Variants in PTPRG observed in about 807,000 individuals in gnomAD.
PTPRG encodes receptor-type tyrosine-protein phosphatase gamma.
Under a neutral mutation model 165.3 loss-of-function variants are expected in PTPRG, and 102 were observed. The observed-to-expected ratio is 0.62, with a 90% CI of 0.53 to 0.73. The LOEUF is 0.73. Among genes scored for constraint, PTPRG ranks in the 30% least tolerant of loss-of-function variants. The pLI is 0.00. For synonymous variants in PTPRG, 675 were observed against 669.5 expected, an observed-to-expected ratio of 1.01 and a Z score of -0.13; for missense variants, 1,866 against 1,861.4, an observed-to-expected ratio of 1.00 and a Z score of -0.05.
At chr3:62,187,940 A>G (rs1349372373) in intron 8 of PTPRG, among the ~76,000 whole-genome samples, 1 of 152,094 alleles carries the variant, frequency 6.6e-6, no homozygotes, top group Non-Finnish European at 1.5e-5. Flanking sequence ...GGCCAGATCT[A>G]CCTCCTTTGA....
chr3:61,665,084 C>G (rs929479868), intron 1 of PTPRG, among the ~76,000 whole-genome samples: 1 of 152,028 alleles, frequency 6.6e-6, no homozygotes, highest in Non-Finnish European at 1.5e-5. Flanking sequence ...TTATTCTGTC[C>G]CATTTTGTGT....
chr3:62,119,576 T>C (rs1290970760), intron 5 of PTPRG, among the ~76,000 whole-genome samples: 1 of 152,088 alleles, frequency 6.6e-6, no homozygotes, highest in Non-Finnish European at 1.5e-5. Flanking sequence ...GGAGAGCTTT[T>C]ACGCTGGCAT....
chr3:62,058,239 A>G (rs1178485387), intron 4 of PTPRG, among the ~76,000 whole-genome samples: 1 of 152,208 alleles, frequency 6.6e-6, no homozygotes, highest in Admixed American at 6.5e-5. Flanking sequence ...CCTCATTCCT[A>G]ACCTCACCTT....
intron 1 of PTPRG, among the ~76,000 whole-genome samples, chr3:61,578,901 G>A (rs1449852554): frequency 6.6e-6 from 1 of 152,208 alleles, no homozygotes. Flanking sequence ...TTTGTTTGGT[G>A]CAGGTGATAA....
chr3:61,672,739 A>AGGGAGAGGGAGAGGGAGACTGTG (rs1559550730), intron 1 of PTPRG, among the ~76,000 whole-genome samples: 1 of 13,928 alleles, frequency 7.2e-5, no homozygotes, highest in Non-Finnish European at 1.6e-4. Context: ...CTGTGGGGAG[A>AGGGAGAGGGAGAGGGAGACTGTG]GGGAGAGGGA....
At chr3:62,109,841 A>G in intron 5 of PTPRG, among the ~76,000 whole-genome samples, 1 of 152,192 alleles carries the variant, frequency 6.6e-6, no homozygotes, top group East Asian at 1.9e-4. Flanking sequence ...TCCACAACCC[A>G]GTGAGTCACT....
Position 62,273,344 on chromosome 3 carries a change from A to G in PTPRG, c.3318+263A>G, listed in dbSNP as rs1226807474. 6.6e-6 allele frequency among the ~76,000 whole-genome samples: 1 copy of G among 152,178 alleles called. No homozygotes were observed. Among genetic ancestry groups the G allele is most frequent in the East Asian group, 1.9e-4 (1 of 5,186 alleles). ...TGTTTCAAGAGCTGTGTTAGATGGT[A>G]GGGGGAGTTAAACATGTTGTCTGGC... is the stretch of plus-strand genomic sequence containing the variant. On this transcript the variant is annotated intron_variant, in intron 22 of 29. Coordinates refer to ENST00000474889, the MANE Select transcript of PTPRG (RefSeq NM_002841.4). The surrounding 1 kb of genome is among the most constrained non-coding windows in gnomAD (Gnocchi z 4.1).
intron 4 of PTPRG, among the ~76,000 whole-genome samples, chr3:62,055,601 T>C (rs1349048260): frequency 6.6e-6 from 1 of 152,216 alleles, no homozygotes; most frequent in Non-Finnish European, 1.5e-5. Flanking sequence ...ATATTTGTTG[T>C]CTTACAGTTC....
At chr3:62,058,454 A>C (rs1230114668) in intron 4 of PTPRG, among the ~76,000 whole-genome samples, 1 of 152,086 alleles carries the variant, frequency 6.6e-6, no homozygotes, top group African/African-American at 2.4e-5. Context: ...TACATGAGCC[A>C]CTGCACCCAG....
intron 5 of PTPRG, among the ~76,000 whole-genome samples, chr3:62,095,917 C>T (rs1702092832): frequency 6.6e-6 from 1 of 152,202 alleles, no homozygotes; most frequent in Non-Finnish European, 1.5e-5. Context: ...AGAGAAAGCC[C>T]TCAAGGCTCA....
chr3:62,169,596 C>T (rs563866482), intron 8 of PTPRG, among the ~76,000 whole-genome samples: 6 of 152,126 alleles, frequency 3.9e-5, no homozygotes, highest in Non-Finnish European at 7.4e-5. Flanking sequence ...CACAGAGCTC[C>T]GGAAATGCTG....
At chr3:61,766,323 T>C (rs2034013811) in intron 2 of PTPRG, among the ~76,000 whole-genome samples, 1 of 152,200 alleles carries the variant, frequency 6.6e-6, no homozygotes, top group South Asian at 2.1e-4. Flanking sequence ...TTTTAACATC[T>C]TTTTCCTACC....
At position 62,273,882 on chromosome 3, in the gene PTPRG, A is replaced by G; in HGVS notation, c.3465+38A>G. The G allele has an allele frequency of 6.2e-7, 1 of 1,600,558 alleles. No individual in the cohort carries two copies. The highest frequency in any genetic ancestry group is 8.5e-7 in the Non-Finnish European group (1 of 1,170,102). On this transcript the variant is annotated intron_variant, in intron 23 of 29. Transcript: ENST00000474889. The surrounding 1 kb of genome is among the most constrained non-coding windows in gnomAD (Gnocchi z 4.1). ...AAAAGTTTCTTTGGCATAAAGCAAG[A>G]AAATGTTTTAAATGCCTTGAGTTTG... is the stretch of plus-strand genomic sequence containing the variant.
chr3:62,208,844 G>T (rs1232264559), intron 12 of PTPRG, among the ~76,000 whole-genome samples: 2 of 152,212 alleles, frequency 1.3e-5, no homozygotes, highest in Non-Finnish European at 2.9e-5. Flanking sequence ...CTATGCAGAA[G>T]GCCAGCTGCA....
At chr3:62,189,561 C>A (rs539322994) in intron 8 of PTPRG, among the ~76,000 whole-genome samples, 16 of 152,324 alleles carry the variant, frequency 1.1e-4, no homozygotes, top group African/African-American at 3.8e-4. Flanking sequence ...AGGTCCTCCT[C>A]ACCCTCCCCT....
rs1576129278 is a variant in PTPRG at position 62,203,182 on chromosome 3, T to C, written c.1387T>C (p.Ser463Pro). Residue 463 changes from serine to proline, a missense_variant, in exon 12 of 30, where the codon TCT becomes CCT. Ser to Pro is a moderately conservative substitution (Grantham distance 74). Around this residue, in one of 3 missense-constraint regions of PTPRG, gnomAD observed 1,452 missense variants for 1,463.0 expected, o/e 0.99. Transcript: ENST00000474889. The surrounding 1 kb of genome is among the most constrained non-coding windows in gnomAD (Gnocchi z 6.4). ...GGGTGACCCTTTCCAGCCCACAGCG[T>C]CTCCTGCCTCTTCAGCCGACATGGC... Reference protein sequence around the residue: ...RIVKTGVPTASPASSADMAPI... With the variant: ...RIVKTGVPTAPPASSADMAPI... 1 of 1,589,950 alleles carries C rather than the reference T, an allele frequency of 6.3e-7. No individual in the cohort carries two copies. The highest frequency in any genetic ancestry group is 1.1e-5 in the South Asian group (1 of 88,660).
At chr3:61,685,119 G>C (rs1395286043) in intron 1 of PTPRG, among the ~76,000 whole-genome samples, 1 of 152,058 alleles carries the variant, frequency 6.6e-6, no homozygotes, top group African/African-American at 2.4e-5. Context: ...CCCTCATCTG[G>C]TGGTTATGAG....
intron 1 of PTPRG, among the ~76,000 whole-genome samples, chr3:61,636,826 G>T (rs2106942694): frequency 6.6e-6 from 1 of 152,170 alleles, no homozygotes; most frequent in Admixed American, 6.5e-5. Flanking sequence ...GCACTGTGAT[G>T]ATTTTTTGAT....
At chr3:61,996,130 TG>T (rs1465243505) in intron 3 of PTPRG, among the ~76,000 whole-genome samples, 3 of 152,196 alleles carry the variant, frequency 2.0e-5, no homozygotes, top group Non-Finnish European at 4.4e-5. Flanking sequence ...TTTTATTTGT[TG>T]TATCTGTGGA....
Sources: allele counts gnomAD v4.1 joint callset (sites outside exome capture counted in the v4.1 genomes callset), GRCh38; gene constraint gnomAD v4.1.1; regional missense constraint gnomAD v4.1.1; non-coding constraint Gnocchi (gnomAD v3.1); transcripts MANE v1.5; gene names NCBI Gene and HGNC (gene_info 2026-07-23, HGNC 2026-07-21).